ABCC1: variants seen among roughly 807,000 people sequenced by gnomAD.
ABCC1 encodes the protein ATP binding cassette subfamily C member 1 (ABCC1 blood group), also known as multidrug resistance-associated protein 1.
A neutral mutation model predicts 172.9 loss-of-function variants in ABCC1; 83 were observed. The ratio of observed to expected loss-of-function variants is 0.48; its 90% CI spans 0.40 to 0.58. ABCC1 has a LOEUF of 0.58. ABCC1 is among the 20% of genes least tolerant of loss of function. ABCC1 has a pLI of 0.00. For missense variants in ABCC1, 1,817 were observed against 2,002.7 expected (o/e 0.91, Z 1.77); for synonymous variants, 937 against 825.2 (o/e 1.14, Z -2.32).
chr16:15,969,987 G>T (rs2046330744), intron 1 of ABCC1, among the ~76,000 whole-genome samples: 1 of 152,170 alleles, frequency 6.6e-6, no homozygotes, highest in African/African-American at 2.4e-5. Flanking sequence ...TCATCAGGAA[G>T]TGCTATGAAG....
chr16:15,974,570 C>T (rs1482437358), intron 1 of ABCC1, among the ~76,000 whole-genome samples: 1 of 152,096 alleles, frequency 6.6e-6, no homozygotes, highest in Non-Finnish European at 1.5e-5. Flanking sequence ...GTTAGAGAGA[C>T]CAGGCTGTTG....
At chr16:15,957,271 A>C (rs1597051236) in intron 1 of ABCC1, among the ~76,000 whole-genome samples, 1 of 123,512 alleles carries the variant, frequency 8.1e-6, no homozygotes, top group East Asian at 2.4e-4. Flanking sequence ...TTTTTTGTAG[A>C]GATAGGGTTT....
At chr16:16,120,111 G>A (rs2045085345) in intron 23 of ABCC1, among the ~76,000 whole-genome samples, 1 of 152,074 alleles carries the variant, frequency 6.6e-6, no homozygotes, top group African/African-American at 2.4e-5. Context: ...CCAGGAAGAA[G>A]CTGCCAACCA....
chr16:16,043,268 C>T (rs1196172467), intron 7 of ABCC1, among the ~76,000 whole-genome samples: 1 of 130,072 alleles, frequency 7.7e-6, no homozygotes, highest in African/African-American at 3.3e-5. Flanking sequence ...ATGCCTATCC[C>T]TTTACCTGTC....
At chr16:16,125,946 T>A in intron 26 of ABCC1, 35 bp downstream of exon 26, 2 of 1,539,682 alleles carry the variant, frequency 1.3e-6, no homozygotes, top group Non-Finnish European at 1.8e-6. Flanking sequence ...CTCTTGGTCT[T>A]TGGTGTAGCT....
intron 1 of ABCC1, among the ~76,000 whole-genome samples, chr16:16,005,997 A>T (rs1292074802): frequency 6.6e-6 from 1 of 151,406 alleles, no homozygotes; most frequent in Non-Finnish European, 1.5e-5. Flanking sequence ...CTGTCAAGAA[A>T]AAAAAAAATA....
At chr16:16,010,036 C>CTTTTTTTTT in intron 3 of ABCC1, 135 bp downstream of exon 3, 3 of 116,704 alleles carry the variant, frequency 2.6e-5, no homozygotes, top group Non-Finnish European at 4.0e-5. Flanking sequence ...TTAAATGTAG[C>CTTTTTTTTT]CTTTTTTTTT....
intron 1 of ABCC1, among the ~76,000 whole-genome samples, chr16:15,995,544 C>T (rs533056080): frequency 9.1e-4 from 138 of 151,876 alleles, no homozygotes; most frequent in Admixed American, 1.6e-3. Flanking sequence ...TAGTTTTGGC[C>T]GCTTTGCATA....
At chr16:16,133,664 A>G (rs1230012716) in intron 27 of ABCC1, among the ~76,000 whole-genome samples, 1 of 152,110 alleles carries the variant, frequency 6.6e-6, no homozygotes, top group Non-Finnish European at 1.5e-5. Context: ...TCGGCCTCCC[A>G]AAGTGCTGGG....
At chr16:16,140,236 A>G (rs1466667921) in intron 30 of ABCC1, among the ~76,000 whole-genome samples, 1 of 152,250 alleles carries the variant, frequency 6.6e-6, no homozygotes, top group Non-Finnish European at 1.5e-5. Flanking sequence ...AAAGGTAGGC[A>G]GGGGCTGGAT....
chr16:15,987,506 C>G (rs1444105887), intron 1 of ABCC1, among the ~76,000 whole-genome samples: 1 of 152,128 alleles, frequency 6.6e-6, no homozygotes, highest in Non-Finnish European at 1.5e-5. Context: ...GGGGGCTGTC[C>G]TATGTATTGT....
intron 1 of ABCC1, among the ~76,000 whole-genome samples, chr16:15,951,357 GA>G (rs2045867686): frequency 6.6e-6 from 1 of 152,090 alleles, no homozygotes; most frequent in Non-Finnish European, 1.5e-5. Context: ...TTTATCTTAA[GA>G]AACTCATTCA....
intron 26 of ABCC1, among the ~76,000 whole-genome samples, chr16:16,126,927 A>G (rs2045465823): frequency 6.6e-6 from 1 of 152,150 alleles, no homozygotes; most frequent in African/African-American, 2.4e-5. Context: ...AGATGGAGAA[A>G]AAGGGAACCT....
chr16:15,973,074 C>G (rs1467906285), intron 1 of ABCC1, among the ~76,000 whole-genome samples: 1 of 152,056 alleles, frequency 6.6e-6, no homozygotes, highest in African/African-American at 2.4e-5. Context: ...GGATGACAGG[C>G]ATGAGCCATC....
At chr16:16,127,973 T>G (rs2045510213) in intron 26 of ABCC1, among the ~76,000 whole-genome samples, 1 of 150,134 alleles carries the variant, frequency 6.7e-6, no homozygotes, top group South Asian at 2.1e-4. Context: ...CAGGCTGGAA[T>G]GCAGTGGCAC....
intron 25 of ABCC1, 26 bp from the exon 26 acceptor site, chr16:16,125,784 A>G (rs2152120885): frequency 1.3e-6 from 2 of 1,566,664 alleles, no homozygotes; most frequent in South Asian, 1.1e-5. Context: ...TACTCTAGAA[A>G]TGCCACGTGA....
At chr16:16,013,004 C>T (rs556295399) in intron 3 of ABCC1, among the ~76,000 whole-genome samples, 5 of 152,112 alleles carry the variant, frequency 3.3e-5, no homozygotes, top group Middle Eastern at 3.4e-3. Flanking sequence ...TTTGATCGTT[C>T]ATTTATGCCT....
chr16:16,037,201 GTC>G (rs946233533), intron 7 of ABCC1, among the ~76,000 whole-genome samples: 59 of 152,070 alleles, frequency 3.9e-4, no homozygotes, highest in African/African-American at 1.4e-3. Flanking sequence ...ACTTTTTTCT[GTC>G]TCTTTCTGAG....
intron 20 of ABCC1, among the ~76,000 whole-genome samples, chr16:16,104,127 G>A (rs2051937076): frequency 6.6e-6 from 1 of 152,156 alleles, no homozygotes; most frequent in South Asian, 2.1e-4. Context: ...GAGTGTTACA[G>A]CTCACAAAGG....
Sources: gnomAD v4.1 joint callset for allele counts (sites outside exome capture counted in the v4.1 genomes callset) on GRCh38, gnomAD v4.1.1 for gene constraint, MANE v1.5 for transcripts, NCBI Gene and HGNC (gene_info 2026-07-23, HGNC 2026-07-21) for gene names.